The following LATS1 variants were observed in gnomAD, a reference collection of about 807,000 sequenced individuals.
LATS1 encodes the protein large tumor suppressor kinase 1, also known as serine/threonine-protein kinase LATS1.
Under a neutral mutation model 106.6 loss-of-function variants are expected in LATS1, and 25 were observed. That is an observed-to-expected ratio of 0.23 (90% confidence interval 0.17 to 0.33). The LOEUF is 0.33. Ranked by LOEUF, LATS1 falls within the 10% of genes least tolerant of loss-of-function variation. The probability of loss-of-function intolerance (pLI) is 1.00; values close to 1 mark genes in which losing one functional copy is unlikely to be tolerated. For missense variants in LATS1, 1,040 were observed against 1,382.6 expected (o/e 0.75, Z 3.93); for synonymous variants, 465 against 455.6 (o/e 1.02, Z -0.26).
At chr6:149,709,028 T>C (rs559671275) in intron 1 of LATS1, among the ~76,000 whole-genome samples, 3 of 152,264 alleles carry the variant, frequency 2.0e-5, no homozygotes, top group East Asian at 1.9e-4. Context: ...GCTCTGATTG[T>C]AGGTTGTTGG....
At chr6:149,670,963 G>A (rs1582848511) in intron 7 of LATS1, among the ~76,000 whole-genome samples, 1 of 151,414 alleles carries the variant, frequency 6.6e-6, no homozygotes, top group Admixed American at 6.6e-5. Context: ...ATGATTCTGG[G>A]GTCATTTCTA....
chr6:149,662,167 A>G lies in LATS1; in HGVS notation c.2955T>C (p.Ile985=). The G allele has an allele frequency of 6.2e-7, 1 of 1,613,926 alleles. No homozygotes were observed. The change falls in exon 8 of 8, where the codon ATT becomes ATC. Residue 985 remains isoleucine (I), a synonymous_variant. Coordinates refer to ENST00000543571, the MANE Select transcript of LATS1 (RefSeq NM_004690.4). ...AKLSPEASDL[I]IKLCRGPEDR... ...CTTCGGGTCCTCGGCAAAGTTTAAT[A>G]ATAAGATCAGAAGCTTCAGGACTGA...
At chr6:149,663,989 T>C (rs892793449) in intron 7 of LATS1, among the ~76,000 whole-genome samples, 12 of 152,132 alleles carry the variant, frequency 7.9e-5, no homozygotes, top group African/African-American at 2.9e-4. Flanking sequence ...TTTGTATTTT[T>C]AGTAGAGACG....
intron 2 of LATS1, among the ~76,000 whole-genome samples, chr6:149,698,465 T>C (rs1389063467): frequency 6.6e-6 from 1 of 151,954 alleles, no homozygotes; most frequent in African/African-American, 2.4e-5. Context: ...AGGCTGGACT[T>C]GAACTCCTGG....
rs756645246 is a variant in LATS1 at position 149,701,756 on chromosome 6, CTTTT to C, written c.348+19_348+22del. On this transcript the variant is annotated intron_variant, in intron 2 of 7. Transcript: ENST00000543571. ...TAGCATAAGGTAAGAAGAATCCTTT[CTTTT>C]GTCTTTAAACATTCTTACCTCATCA... The C allele has an allele frequency of 6.5e-7, 1 of 1,541,646 alleles. No individual in the cohort carries two copies. Among genetic ancestry groups the C allele is most frequent in the Non-Finnish European group, 8.8e-7 (1 of 1,131,406 alleles).
intron 7 of LATS1, among the ~76,000 whole-genome samples, chr6:149,668,218 C>T (rs1781262293): frequency 6.6e-6 from 1 of 151,086 alleles, no homozygotes; most frequent in African/African-American, 2.5e-5. Flanking sequence ...TGCGCCCGGC[C>T]TCAAGTGATA....
At chr6:149,717,261 G>T (rs1784453124) in intron 1 of LATS1, among the ~76,000 whole-genome samples, 1 of 152,128 alleles carries the variant, frequency 6.6e-6, no homozygotes, top group East Asian at 1.9e-4. Flanking sequence ...GCTATTTCAG[G>T]TTATAAAAAA....
chr6:149,704,128 C>A (rs575634099), intron 1 of LATS1, among the ~76,000 whole-genome samples: 2 of 152,134 alleles, frequency 1.3e-5, no homozygotes, highest in African/African-American at 4.8e-5. Context: ...CTCAGCCTCC[C>A]GAATAGCTGG....
At chr6:149,701,752 CTTTCT>C (rs750928062) in intron 2 of LATS1, 22 bp downstream of exon 2, 53 of 1,526,338 alleles carry the variant, frequency 3.5e-5, no homozygotes, top group Admixed American at 5.6e-5. Flanking sequence ...AAGAAGAATC[CTTTCT>C]TTTGTCTTTA....
chr6:149,709,212 C>T (rs184767279), intron 1 of LATS1, among the ~76,000 whole-genome samples: 69 of 152,258 alleles, frequency 4.5e-4, no homozygotes, highest in African/African-American at 1.7e-3. Context: ...TTCCCTCCTC[C>T]CTGTTGGAAT....
rs9505965 is a variant in LATS1, at chr6:149,679,897, G to A, written c.2571C>T (p.His857=). ...TACCACTCTGATAGTACTTAGAATCGTGTGTCCATCTGAAGCCAGTGCAGA... is the reference window on the plus strand; with the variant it reads ...TACCACTCTGATAGTACTTAGAATCATGTGTCCATCTGAAGCCAGTGCAGA... ...FGLCTGFRWT[H]DSKYYQSGDH... Residue 857 remains histidine (H), a synonymous_variant, in exon 5 of 8, where the codon CAC becomes CAT. Transcript: ENST00000543571. 4,715 of 1,603,208 alleles carry A rather than the reference G, an allele frequency of 2.9e-3. 13 individuals carry two copies. Among genetic ancestry groups the A allele is most frequent in the Non-Finnish European group, 3.5e-3 (4,141 of 1,174,774 alleles).
chr6:149,674,185 G>A (rs929351922), intron 7 of LATS1, among the ~76,000 whole-genome samples: 1 of 149,596 alleles, frequency 6.7e-6, no homozygotes, highest in Admixed American at 6.6e-5. Context: ...AGCAATCCCC[G>A]TGCCTCAGCC....
At chr6:149,695,658 G>A (rs1249068173) in intron 2 of LATS1, among the ~76,000 whole-genome samples, 1 of 145,518 alleles carries the variant, frequency 6.9e-6, no homozygotes, top group South Asian at 2.1e-4. Context: ...CTGGGCAACA[G>A]AGCGAGATGC....
At chr6:149,669,408 C>T (rs1375188750) in intron 7 of LATS1, among the ~76,000 whole-genome samples, 2 of 152,014 alleles carry the variant, frequency 1.3e-5, no homozygotes, top group Non-Finnish European at 2.9e-5. Flanking sequence ...GCTGGGATTA[C>T]AGGTGTGAGC....
intron 7 of LATS1, 128 bp from the exon 8 acceptor site, chr6:149,662,366 G>T: frequency 1.1e-6 from 1 of 871,798 alleles, no homozygotes; most frequent in Non-Finnish European, 1.7e-6. Flanking sequence ...TATTTTGCTG[G>T]AAAATAATTT....
At chr6:149,688,001 A>G (rs1782501681) in intron 3 of LATS1, among the ~76,000 whole-genome samples, 1 of 151,030 alleles carries the variant, frequency 6.6e-6, no homozygotes, top group African/African-American at 2.4e-5. Context: ...CAGCCTCCTG[A>G]GTAGCTAGGA....
intron 3 of LATS1, among the ~76,000 whole-genome samples, chr6:149,691,471 A>G (rs1404473385): frequency 2.6e-5 from 4 of 152,178 alleles, no homozygotes; most frequent in African/African-American, 9.7e-5. Context: ...CACTAAAGTC[A>G]ACAAGATTAT....
chr6:149,705,757 T>C (rs1458390660), intron 1 of LATS1, among the ~76,000 whole-genome samples: 2 of 152,080 alleles, frequency 1.3e-5, no homozygotes, highest in Non-Finnish European at 2.9e-5. Context: ...GTTAAAAAAA[T>C]ACAGCATGCA....
intron 1 of LATS1, 109 bp downstream of exon 1, chr6:149,717,740 C>T: frequency 4.2e-6 from 1 of 238,020 alleles, no homozygotes; most frequent in Non-Finnish European, 8.5e-6. Context: ...GCCCGCCAGT[C>T]CAAACCTCTG....
Sources: gnomAD v4.1 joint callset for allele counts (sites outside exome capture counted in the v4.1 genomes callset) on GRCh38, gnomAD v4.1.1 for gene constraint, MANE v1.5 for transcripts, NCBI Gene and HGNC (gene_info 2026-07-23, HGNC 2026-07-21) for gene names.